The following HIPK2 variants were observed in gnomAD, a reference collection of about 807,000 sequenced individuals.
HIPK2 encodes homeodomain-interacting protein kinase 2.
Under a neutral mutation model 113.7 loss-of-function variants are expected in HIPK2, and 27 were observed. The ratio of observed to expected loss-of-function variants is 0.24; its 90% confidence interval spans 0.17 to 0.33. The LOEUF is 0.33. Among genes scored for constraint, HIPK2 ranks in the 10% least tolerant of loss-of-function variants. The probability of loss-of-function intolerance (pLI) is 1.00; values close to 1 mark genes in which losing one functional copy is unlikely to be tolerated. For missense variants in HIPK2, 1,257 were observed against 1,588.0 expected (o/e 0.79, Z 3.54); for synonymous variants, 631 against 642.2 (o/e 0.98, Z 0.26).
chr7:139,663,879 C>T (rs955107096), intron 2 of HIPK2, among the ~76,000 whole-genome samples: 2 of 152,160 alleles, frequency 1.3e-5, no homozygotes, highest in Non-Finnish European at 2.9e-5. Flanking sequence ...CCCATAATGC[C>T]GGCCCACGAG....
At chr7:139,587,488 CAAA>C (rs1213368741) in intron 12 of HIPK2, among the ~76,000 whole-genome samples, 24 of 44,026 alleles carry the variant, frequency 5.5e-4, no homozygotes, top group South Asian at 2.3e-3. Flanking sequence ...GACTGTGTCT[CAAA>C]AAAAAAAAAA....
chr7:139,585,789 A>T (rs1798814342), intron 12 of HIPK2, among the ~76,000 whole-genome samples: 1 of 152,224 alleles, frequency 6.6e-6, no homozygotes, highest in Non-Finnish European at 1.5e-5. Flanking sequence ...GTTTGCAAAA[A>T]ACTTATTTAG....
In HIPK2 at chr7:139,614,492, G is replaced by A; in HGVS notation, c.1784C>T (p.Ala595Val). 1 of 1,352,878 alleles carries A rather than the reference G, an allele frequency of 7.4e-7. No individual in the cohort carries two copies. Among genetic ancestry groups the A allele is most frequent in the Non-Finnish European group, 9.7e-7 (1 of 1,030,350 alleles). The allele number at this position is 1,352,878 out of a possible 1,614,324, so 83.8% of individuals were successfully genotyped here. ...NNQLTTVHNQ[A>V]PSSTSATISL... is the part of the protein sequence containing the mutation. ...AATAGTGGCACTGGTAGAGGAGGGA[G>A]CCTAAAGGAGTGATGGGGATTAAAC... Residue 595 changes from alanine to valine, a missense_variant and splice_region_variant, in exon 8 of 15, where the codon GCT becomes GTT. By Grantham distance (64) the Ala-to-Val change is moderately conservative. Around this residue, in one of 5 missense-constraint regions of HIPK2, gnomAD observed 862 missense variants for 1,004.3 expected, o/e 0.86. Coordinates refer to ENST00000406875, the MANE Select transcript of HIPK2 (RefSeq NM_022740.5).
rs137949324 is a variant in HIPK2, at chr7:139,761,939, C to CAG, written c.19+15664_19+15665dup. 1.5e-3 allele frequency among the ~76,000 whole-genome samples: 230 copies of CAG among 148,758 alleles called. 2 individuals carry two copies. The highest frequency in any genetic ancestry group is 2.7e-3 in the African/African-American group (110 of 40,752). On this transcript the variant is annotated intron_variant, in intron 1 of 14. Transcript: ENST00000406875. ...AACAGTGGTCATTTCTGGACAGAGA[C>CAG]AGAGAGAGAGAGAGAGAGAGACTAA...
intron 1 of HIPK2, among the ~76,000 whole-genome samples, chr7:139,771,345 T>C (rs1266370747): frequency 6.6e-6 from 1 of 151,938 alleles, no homozygotes; most frequent in East Asian, 1.9e-4. Context: ...AGCAAGATTC[T>C]AAAGAGTTGG....
intron 13 of HIPK2, among the ~76,000 whole-genome samples, chr7:139,580,998 T>C (rs1212847801): frequency 1.3e-5 from 2 of 152,090 alleles, no homozygotes; most frequent in East Asian, 1.9e-4. Flanking sequence ...GGCGGGTGGA[T>C]TGCCTGAACT....
At chr7:139,602,099 T>C (rs1298310972) in intron 10 of HIPK2, among the ~76,000 whole-genome samples, 1 of 151,936 alleles carries the variant, frequency 6.6e-6, no homozygotes, top group East Asian at 1.9e-4. Context: ...ATTACAGGCG[T>C]GCACTGCCAC....
At chr7:139,776,289 G>GA (rs58251456) in intron 1 of HIPK2, among the ~76,000 whole-genome samples, 37 of 150,828 alleles carry the variant, frequency 2.5e-4, no homozygotes, top group Non-Finnish European at 4.1e-4. Context: ...AAGAGAGTCT[G>GA]AAAAAAAAAT....
intron 2 of HIPK2, among the ~76,000 whole-genome samples, chr7:139,641,712 G>A (rs188028372): frequency 1.4e-4 from 22 of 152,310 alleles, no homozygotes; most frequent in Admixed American, 1.1e-3. Context: ...GGGCTGGGAC[G>A]CAGGGTTCAG....
chr7:139,657,570 T>C (rs181514690), intron 2 of HIPK2, among the ~76,000 whole-genome samples: 14 of 152,322 alleles, frequency 9.2e-5, no homozygotes, highest in Non-Finnish European at 1.8e-4. Flanking sequence ...TTTACTCTCA[T>C]TGGCCTCTGG....
At chr7:139,725,137 A>G (rs896239489) in intron 1 of HIPK2, among the ~76,000 whole-genome samples, 1 of 152,238 alleles carries the variant, frequency 6.6e-6, no homozygotes, top group Non-Finnish European at 1.5e-5. Context: ...ACCGACCTAA[A>G]GGAGCTTAGA....
At chr7:139,694,614 T>C (rs1794512923) in intron 2 of HIPK2, among the ~76,000 whole-genome samples, 1 of 152,232 alleles carries the variant, frequency 6.6e-6, no homozygotes, top group East Asian at 1.9e-4. Flanking sequence ...AAGCCCACCA[T>C]TCCCTGGTGG....
Position 139,681,061 on chromosome 7 carries a change from C to A in HIPK2, c.1103+34871G>T, listed in dbSNP as rs1312660163. Reference sequence around the variant, plus strand: ...CACTCTTCAAGCTCTATTTTGGGTACACTTTACACTCTGAGGGAGCCGGTA... The same window carrying A: ...CACTCTTCAAGCTCTATTTTGGGTAAACTTTACACTCTGAGGGAGCCGGTA... On this transcript the variant is annotated intron_variant, in intron 2 of 14. Coordinates refer to ENST00000406875, the MANE Select transcript of HIPK2 (RefSeq NM_022740.5). Among the ~76,000 whole-genome samples the A allele has an allele frequency of 1.1e-4, 17 of 152,206 alleles. 1 individual carries two copies. The highest frequency in any genetic ancestry group is 3.4e-4 in the African/African-American group (14 of 41,452).
chr7:139,562,196 T>C lies in HIPK2; in HGVS notation c.*10731A>G, dbSNP rs1797967710. The C allele has an allele frequency of 6.6e-6, 1 of 152,220 alleles. No individual in the cohort carries two copies. The highest frequency in any genetic ancestry group is 6.5e-5 in the Admixed American group (1 of 15,282). The allele number at this position is 152,220 out of a possible 1,614,324, so 9.4% of individuals were successfully genotyped here. A position where few individuals can be genotyped will look rare whatever the true frequency, so the allele number is the denominator to read the frequency against. On this transcript the variant is annotated 3_prime_UTR_variant, in exon 15 of 15. Transcript: ENST00000406875. ...GAGAAAATACTGTTGCACGCAATAATTTTCACACAGATTAACATGGATTAA... is the reference window on the plus strand; with the variant it reads ...GAGAAAATACTGTTGCACGCAATAACTTTCACACAGATTAACATGGATTAA...
intron 6 of HIPK2, among the ~76,000 whole-genome samples, chr7:139,626,106 C>T (rs59463533): frequency 0.18 from 27,610 of 149,618 alleles, 3,588 homozygotes; most frequent in African/African-American, 0.38. Context: ...TTTTTTCTTT[C>T]CTTTTTTTTT....
At chr7:139,656,661 G>A (rs932527179) in intron 2 of HIPK2, among the ~76,000 whole-genome samples, 1 of 152,094 alleles carries the variant, frequency 6.6e-6, no homozygotes, top group African/African-American at 2.4e-5. Flanking sequence ...TTGCTCCCAA[G>A]GCCCCACAGC....
chr7:139,621,291 G>C (rs1046276366), intron 6 of HIPK2, among the ~76,000 whole-genome samples: 1 of 152,206 alleles, frequency 6.6e-6, no homozygotes, highest in African/African-American at 2.4e-5. Context: ...AGTTTGCCAA[G>C]GATAGGTAAT....
At chr7:139,692,609 T>C (rs963007436) in intron 2 of HIPK2, among the ~76,000 whole-genome samples, 1 of 152,186 alleles carries the variant, frequency 6.6e-6, no homozygotes, top group Non-Finnish European at 1.5e-5. Context: ...TGATAGTAAT[T>C]GCATTGTTAC....
intron 9 of HIPK2, 122 bp from the exon 10 acceptor site, chr7:139,604,345 G>A: frequency 1.4e-6 from 2 of 1,400,772 alleles, no homozygotes; most frequent in Admixed American, 4.6e-5. Flanking sequence ...GAGAGTGAGG[G>A]CCTGGTCTCT....
Sources: gnomAD v4.1 joint callset for allele counts (sites outside exome capture counted in the v4.1 genomes callset) on GRCh38, gnomAD v4.1.1 for gene constraint, gnomAD v4.1.1 regional missense constraint, MANE v1.5 for transcripts, NCBI Gene and HGNC (gene_info 2026-07-23, HGNC 2026-07-21) for gene names.